The following DHRS11 variants were observed in gnomAD, a reference collection of about 807,000 sequenced individuals.
DHRS11 encodes the protein dehydrogenase/reductase SDR family member 11.
Under a neutral mutation model 30.7 loss-of-function variants are expected in DHRS11, and 18 were observed. The ratio of observed to expected loss-of-function variants is 0.59; its 90% confidence interval spans 0.41 to 0.87. The LOEUF is 0.87. Among genes scored for constraint, DHRS11 ranks in the 40% least tolerant of loss-of-function variants. The probability of loss-of-function intolerance (pLI) is 0.00; values close to 1 mark genes in which losing one functional copy is unlikely to be tolerated. For synonymous variants in DHRS11, 123 were observed against 139.6 expected (o/e 0.88, Z 0.84); for missense variants, 300 against 349.0 (o/e 0.86, Z 1.12).
Position 36,592,209 on chromosome 17 carries a change from C to A in DHRS11, c.147+53C>A. 8.1e-7 allele frequency: 1 copy of A among 1,239,932 alleles called. No homozygotes were observed. Among genetic ancestry groups the A allele is most frequent in the South Asian group, 3.8e-5 (1 of 26,200 alleles). The allele number at this position is 1,239,932 out of a possible 1,614,324, so 76.8% of individuals were successfully genotyped here. ...CGCGGGCGGGTCGTTTCCCCGGAGTCGGGTTCACCTGCCCGCCACGCCGGG... is the reference window on the plus strand; with the variant it reads ...CGCGGGCGGGTCGTTTCCCCGGAGTAGGGTTCACCTGCCCGCCACGCCGGG... On this transcript the variant is annotated intron_variant, in intron 1 of 6. Transcript: ENST00000618403. This position sits in a 1 kb window ranked among gnomAD's most constrained non-coding sequence, Gnocchi z 4.4.
At position 36,595,170 on chromosome 17, in the gene DHRS11, A is replaced by T. The variant is rs778988188; in HGVS notation, c.347A>T (p.Asp116Val). Residue 116 changes from aspartate (D) to valine (V), a missense_variant, in exon 2 of 7, where the codon GAC becomes GTC. Transcript: ENST00000618403. Reference sequence around the variant, plus strand: ...TCAGGCAGCACCAGTGGTTGGAAGGACATGTTCAATGTAAGAGCTCCAAGC... The same window carrying T: ...TCAGGCAGCACCAGTGGTTGGAAGGTCATGTTCAATGTAAGAGCTCCAAGC... ...LLSGSTSGWK[D>V]MFNVNVLALS... 1 of 1,613,436 alleles carries T rather than the reference A, an allele frequency of 6.2e-7. No individual in the cohort carries two copies. Among genetic ancestry groups the T allele is most frequent in the Admixed American group, 1.7e-5 (1 of 60,018 alleles).
In DHRS11 at chr17:36,595,023, A is replaced by T; in HGVS notation, c.200A>T (p.Tyr67Phe). The change falls in exon 2 of 7, where the codon TAC becomes TTC. Residue 67 changes from tyrosine to phenylalanine, a missense_variant. Physicochemically the swap from Tyr to Phe is conservative, Grantham distance 22 (BLOSUM62 3). Transcript: ENST00000618403. Reference sequence around the variant, plus strand: ...GGCTACCCCGGGACTTTGATCCCCTACAGATGTGACCTATCAAATGAAGAG... The same window carrying T: ...GGCTACCCCGGGACTTTGATCCCCTTCAGATGTGACCTATCAAATGAAGAG... ...SAGYPGTLIP[Y>F]RCDLSNEEDI... is the part of the protein sequence containing the mutation. 1 of 1,614,220 alleles carries T rather than the reference A, an allele frequency of 6.2e-7. No individual in the cohort carries two copies. Among genetic ancestry groups the T allele is most frequent in the Non-Finnish European group, 8.5e-7 (1 of 1,180,040 alleles).
chr17:36,593,218 T>A (rs1330985292), intron 1 of DHRS11, among the ~76,000 whole-genome samples: 2 of 152,158 alleles, frequency 1.3e-5, no homozygotes, highest in Non-Finnish European at 2.9e-5. Context: ...TACCGCAAGC[T>A]AGCCAGGAAG....
In DHRS11 at chr17:36,591,899, C is replaced by A; in HGVS notation, c.-111C>A. ...AGGCCGGGACTCTGGTGGGTCTAGG[C>A]GCGGATCGGACCCAAGCAGGTCGGC... On this transcript the variant is annotated 5_prime_UTR_variant, in exon 1 of 7. Coordinates refer to ENST00000618403, the MANE Select transcript of DHRS11 (RefSeq NM_024308.4). 8.9e-7 allele frequency: 1 copy of A among 1,127,792 alleles called. No homozygotes were observed. The highest frequency in any genetic ancestry group is 1.1e-6 in the Non-Finnish European group (1 of 898,812). The allele number at this position is 1,127,792 out of a possible 1,614,324, so 69.9% of individuals were successfully genotyped here.
chr17:36,594,755 C>T (rs752305934), intron 1 of DHRS11: 7 of 602,568 alleles, frequency 1.2e-5, no homozygotes, highest in Non-Finnish European at 8.8e-6. Flanking sequence ...TTGATAACAG[C>T]CTTTTCCCTT....
At position 36,600,300 on chromosome 17, in the gene DHRS11, C is replaced by A. The variant is rs2074849482; in HGVS notation, c.*97C>A. On this transcript the variant is annotated 3_prime_UTR_variant, in exon 7 of 7. Transcript: ENST00000618403. ...ATTTCTGGATCACGGGATACCACTT[C>A]CTGTCCACACCCCGACCAGGGGCTA... The A allele has an allele frequency of 9.2e-6, 13 of 1,419,776 alleles. No individual in the cohort carries two copies. The Admixed American group carries it at 2.0e-4, about 22-fold the overall frequency. 87.9% of individuals were successfully genotyped at this position (1,419,776 alleles called of 1,614,324 possible).
chr17:36,600,630 C>T lies in DHRS11; in HGVS notation c.*427C>T. The T allele has an allele frequency of 3.8e-6, 1 of 261,764 alleles. No individual in the cohort carries two copies. The highest frequency in any genetic ancestry group is 1.1e-4 in the East Asian group (1 of 9,332). 16.2% of individuals were successfully genotyped at this position (261,764 alleles called of 1,614,324 possible). A position where few individuals can be genotyped will look rare whatever the true frequency, so the allele number is the denominator to read the frequency against. On this transcript the variant is annotated 3_prime_UTR_variant, in exon 7 of 7. Coordinates refer to ENST00000618403, the MANE Select transcript of DHRS11 (RefSeq NM_024308.4). ...GCTCCAGACTTCCTCCTCTGCCTGC[C>T]CCACTGCACCCTCTCCCCCTTATCT...
At position 36,592,043 on chromosome 17, in the gene DHRS11, C is replaced by T. The variant is rs753485461; in HGVS notation, c.34C>T (p.Arg12Trp). The T allele has an allele frequency of 3.2e-6, 4 of 1,232,408 alleles. No individual in the cohort carries two copies. In the African/African-American group the frequency reaches 4.7e-5, roughly 14 times the overall value. The allele number at this position is 1,232,408 out of a possible 1,614,324, so 76.3% of individuals were successfully genotyped here. A position where few individuals can be genotyped will look rare whatever the true frequency, so the allele number is the denominator to read the frequency against. The stretch of plus-strand genomic sequence containing the variant: ...GCCCGGCATGGAGCGGTGGCGCGAC[C>T]GGCTGGCGCTGGTGACGGGGGCCTC... The part of the protein sequence containing the change: ...ARPGMERWRD[R>W]LALVTGASGG... The change falls in exon 1 of 7, where the codon CGG becomes TGG. Residue 12 changes from arginine to tryptophan, a missense_variant. Physicochemically the swap from Arg to Trp is moderately radical, Grantham distance 101. Coordinates refer to ENST00000618403, the MANE Select transcript of DHRS11 (RefSeq NM_024308.4). This position sits in a 1 kb window ranked among gnomAD's most constrained non-coding sequence, Gnocchi z 4.4.
chr17:36,598,980 A>T lies in DHRS11; in HGVS notation c.512A>T (p.Tyr171Phe). The T allele has an allele frequency of 6.2e-7, 1 of 1,613,538 alleles. No individual in the cohort carries two copies. The highest frequency in any genetic ancestry group is 8.5e-7 in the Non-Finnish European group (1 of 1,179,998). The change falls in exon 4 of 7, where the codon TAT becomes TTT. Residue 171 changes from tyrosine to phenylalanine, a missense_variant. By Grantham distance (22) the Tyr-to-Phe change is conservative (BLOSUM62 3). Coordinates refer to ENST00000618403, the MANE Select transcript of DHRS11 (RefSeq NM_024308.4). ...SVTHFYSATKYAVTALTEGLR... is the reference protein window; with the variant it reads ...SVTHFYSATKFAVTALTEGLR... ...ACCCACTTCTATAGTGCCACCAAGT[A>T]TGCCGTCACTGCGCTGACAGAGGGA...
At position 36,595,218 on chromosome 17, in the gene DHRS11, G is replaced by A. The variant is rs1297172194; in HGVS notation, c.357+38G>A. ...AGCCTCCATCTTCCAGGTGGAGGGT[G>A]GGGAGGAGAGAGGGGAGCCAGGGGT... On this transcript the variant is annotated intron_variant, in intron 2 of 6. Coordinates refer to ENST00000618403, the MANE Select transcript of DHRS11 (RefSeq NM_024308.4). 3.7e-6 allele frequency: 6 copies of A among 1,608,696 alleles called. No homozygotes were observed. In the African/African-American group the frequency reaches 4.0e-5, roughly 11 times the overall value.
At chr17:36,594,824 G>T in intron 1 of DHRS11, 147 bp from the exon 2 acceptor site, 1 of 734,042 alleles carries the variant, frequency 1.4e-6, no homozygotes, top group South Asian at 1.7e-5. Flanking sequence ...AGACTTAGGG[G>T]ATGGGCAGTC....
Position 36,600,153 on chromosome 17 carries a change from C to A in DHRS11, c.742-9C>A. On this transcript the variant is annotated splice_polypyrimidine_tract_variant and intron_variant, in intron 6 of 6. Coordinates refer to ENST00000618403, the MANE Select transcript of DHRS11 (RefSeq NM_024308.4). Reference sequence around the variant, plus strand: ...GTCACAGCTGCCTCATGCCTTGTACCTTCCACAGATTGGAGACATCCAGAT... The same window carrying A: ...GTCACAGCTGCCTCATGCCTTGTACATTCCACAGATTGGAGACATCCAGAT... The A allele has an allele frequency of 6.3e-7, 1 of 1,595,898 alleles. No homozygotes were observed. The highest frequency in any genetic ancestry group is 8.6e-7 in the Non-Finnish European group (1 of 1,168,358).
At chr17:36,594,612 C>T (rs374135177) in intron 1 of DHRS11, 5 of 331,298 alleles carry the variant, frequency 1.5e-5, no homozygotes, top group African/African-American at 8.2e-5. Context: ...TAGGGTTCCA[C>T]CAAGTTAGCC....
At chr17:36,595,624 T>C (rs1168249542) in intron 2 of DHRS11, among the ~76,000 whole-genome samples, 1 of 152,028 alleles carries the variant, frequency 6.6e-6, no homozygotes, top group Non-Finnish European at 1.5e-5. Context: ...GGTTTCACCT[T>C]GTTGGCCAGG....
At position 36,600,554 on chromosome 17, in the gene DHRS11, G is replaced by A. The variant is rs1211947617; in HGVS notation, c.*351G>A. 1.1e-5 allele frequency: 5 copies of A among 452,496 alleles called. No individual in the cohort carries two copies. Among genetic ancestry groups the A allele is most frequent in the Non-Finnish European group, 2.0e-5 (5 of 249,018 alleles). The allele number at this position is 452,496 out of a possible 1,614,324, so 28.0% of individuals were successfully genotyped here. A position where few individuals can be genotyped will look rare whatever the true frequency, so the allele number is the denominator to read the frequency against. ...TGCACCTCAACGTCTGTGGCTCAGGGCTGGGGTGGCAGAGGGAGGCCTTCA... is the reference window on the plus strand; with the variant it reads ...TGCACCTCAACGTCTGTGGCTCAGGACTGGGGTGGCAGAGGGAGGCCTTCA... On this transcript the variant is annotated 3_prime_UTR_variant, in exon 7 of 7. Coordinates refer to ENST00000618403, the MANE Select transcript of DHRS11 (RefSeq NM_024308.4).
In DHRS11 at chr17:36,592,987, G is replaced by A. The variant is rs2074780708; in HGVS notation, c.147+831G>A. On this transcript the variant is annotated intron_variant, in intron 1 of 6. Transcript: ENST00000618403. The surrounding 1 kb of genome is among the most constrained non-coding windows in gnomAD (Gnocchi z 4.4). ...GCAGAGGGAGAAGGTATACAGGAAG[G>A]AGGACTGTCCCCTCCCCTGCTGCTG... Among the ~76,000 whole-genome samples, 1 of 152,020 alleles carries A rather than the reference G, an allele frequency of 6.6e-6. No individual in the cohort carries two copies. Among genetic ancestry groups the A allele is most frequent in the Non-Finnish European group, 1.5e-5 (1 of 68,002 alleles).
rs1007333803 is a variant in DHRS11, at chr17:36,600,619, C to T, written c.*416C>T. 2 of 272,794 alleles carry T rather than the reference C, an allele frequency of 7.3e-6. No individual in the cohort carries two copies. Among genetic ancestry groups the T allele is most frequent in the Non-Finnish European group, 7.1e-6 (1 of 141,014 alleles). 16.9% of individuals were successfully genotyped at this position (272,794 alleles called of 1,614,324 possible). A position where few individuals can be genotyped will look rare whatever the true frequency, so the allele number is the denominator to read the frequency against. ...TGTTATCCAGGGCTCCAGACTTCCTCCTCTGCCTGCCCCACTGCACCCTCT... is the reference window on the plus strand; with the variant it reads ...TGTTATCCAGGGCTCCAGACTTCCTTCTCTGCCTGCCCCACTGCACCCTCT... On this transcript the variant is annotated 3_prime_UTR_variant, in exon 7 of 7. Coordinates refer to ENST00000618403, the MANE Select transcript of DHRS11 (RefSeq NM_024308.4).
At chr17:36,595,304 C>T in intron 2 of DHRS11, 124 bp downstream of exon 2, 1 of 988,760 alleles carries the variant, frequency 1.0e-6, no homozygotes, top group Non-Finnish European at 1.5e-6. Flanking sequence ...CGGGTTCCCA[C>T]CTGGGGCATC....
At position 36,595,066 on chromosome 17, in the gene DHRS11, C is replaced by G; in HGVS notation, c.243C>G (p.Phe81Leu). The G allele has an allele frequency of 6.2e-7, 1 of 1,614,202 alleles. No homozygotes were observed. The highest frequency in any genetic ancestry group is 8.5e-7 in the Non-Finnish European group (1 of 1,180,042). ...ATGAAGAGGACATCCTCTCCATGTTCTCAGCTATCCGTTCTCAGCACAGCG... is the reference window on the plus strand; with the variant it reads ...ATGAAGAGGACATCCTCTCCATGTTGTCAGCTATCCGTTCTCAGCACAGCG... The part of the protein sequence containing the change: ...LSNEEDILSM[F>L]SAIRSQHSGV... Residue 81 changes from phenylalanine to leucine, a missense_variant, in exon 2 of 7, where the codon TTC (phenylalanine) becomes TTG (leucine). Transcript: ENST00000618403.
Sources: gnomAD v4.1 joint callset for allele counts (sites outside exome capture counted in the v4.1 genomes callset) on GRCh38, gnomAD v4.1.1 for gene constraint, Gnocchi (gnomAD v3.1) non-coding constraint, MANE v1.5 for transcripts, NCBI Gene and HGNC (gene_info 2026-07-23, HGNC 2026-07-21) for gene names.